ATP13A1: variants seen among roughly 807,000 people sequenced by gnomAD.
ATP13A1 encodes ATPase 13A1.
In ATP13A1, 55 loss-of-function variants were observed where a neutral mutation model predicts 134.8. That is an observed-to-expected ratio of 0.41 (90% CI 0.33 to 0.51). The LOEUF (loss-of-function observed/expected upper bound fraction) is 0.51, where lower values mean the gene tolerates loss of function less well. Ranked by LOEUF, ATP13A1 falls within the 20% of genes least tolerant of loss-of-function variation. The probability of loss-of-function intolerance (pLI) is 0.29; values close to 1 mark genes in which losing one functional copy is unlikely to be tolerated. For missense variants in ATP13A1, 1,389 were observed against 1,652.8 expected (o/e 0.84, Z 2.77); for synonymous variants, 775 against 725.1 (o/e 1.07, Z -1.10).
In ATP13A1 at chr19:19,655,901, G is replaced by T. The variant is rs1057154134; in HGVS notation, c.1246C>A (p.Arg416=). ...ACCTGGGATGTGTTGAATCCGGTCC[G>T]CAGGACGTAGGCCACGCACCCGCTG... is the stretch of plus-strand genomic sequence containing the variant. ...VDSGCVAYVL[R]TGFNTSQGKL... is the part of the protein sequence containing the mutation. The change falls in exon 9 of 26, where the codon CGG becomes AGG. Residue 416 remains arginine, a synonymous_variant. Transcript: ENST00000357324. This position sits in a 1 kb window ranked among gnomAD's most constrained non-coding sequence, Gnocchi z 5.7. 2.5e-6 allele frequency: 4 copies of T among 1,595,616 alleles called. No individual in the cohort carries two copies. The highest frequency in any genetic ancestry group is 2.3e-5 in the East Asian group (1 of 44,440).
At chr19:19,646,926 G>A (rs974344195) in intron 22 of ATP13A1, 1 of 605,208 alleles carries the variant, frequency 1.7e-6, no homozygotes, top group Non-Finnish European at 2.9e-6. Flanking sequence ...GGACAGGTGT[G>A]GACGCCAAGC....
chr19:19,662,750 T>C (rs984456289), intron 1 of ATP13A1, among the ~76,000 whole-genome samples: 2 of 152,220 alleles, frequency 1.3e-5, no homozygotes, highest in Non-Finnish European at 2.9e-5. Context: ...CTGCATTTCA[T>C]GCTCCTTTCC....
chr19:19,648,029 C>G (rs1314151035), intron 19 of ATP13A1, among the ~76,000 whole-genome samples: 2 of 152,146 alleles, frequency 1.3e-5, no homozygotes, highest in East Asian at 1.9e-4. Flanking sequence ...CAAAACTAAA[C>G]TGATTTTGGC....
rs1466857826 is a variant in ATP13A1 at position 19,658,915 on chromosome 19, C to G, written c.677+686G>C. On this transcript the variant is annotated intron_variant, in intron 3 of 25. Transcript: ENST00000357324. Reference sequence around the variant, plus strand: ...GCCAGGAGTTTGAGACAAGCCTGGGCAACACGGCGAGACCCCATCTCTACA... The same window carrying G: ...GCCAGGAGTTTGAGACAAGCCTGGGGAACACGGCGAGACCCCATCTCTACA... Among the ~76,000 whole-genome samples, 3 of 119,430 alleles carry G rather than the reference C, an allele frequency of 2.5e-5. No homozygotes were observed. In the South Asian group the frequency reaches 7.8e-4, roughly 31 times the overall value. 78.4% of individuals were successfully genotyped at this position (119,430 alleles called of 152,430 possible).
At chr19:19,654,369 C>T (rs907345520) in intron 13 of ATP13A1, among the ~76,000 whole-genome samples, 174 bp downstream of exon 13, 1 of 152,162 alleles carries the variant, frequency 6.6e-6, no homozygotes, top group Non-Finnish European at 1.5e-5. Context: ...AGAGGGACAC[C>T]CAAGGACGTG....
chr19:19,651,034 C>G (rs1298115718), intron 17 of ATP13A1: 1 of 152,248 alleles, frequency 6.6e-6, no homozygotes, highest in Non-Finnish European at 1.5e-5. Flanking sequence ...ATCAGGCTGT[C>G]TGGATTCCAA....
At position 19,655,665 on chromosome 19, in the gene ATP13A1, G is replaced by A. The variant is rs1452492061; in HGVS notation, c.1270-11C>T. ...GCGCAGCAGCTTGCCCTGGAGGAATGGAGGAACAGCCTTTCTGCTGTCTGG... is the reference window on the plus strand; with the variant it reads ...GCGCAGCAGCTTGCCCTGGAGGAATAGAGGAACAGCCTTTCTGCTGTCTGG... On this transcript the variant is annotated splice_polypyrimidine_tract_variant and intron_variant, in intron 9 of 25. Transcript: ENST00000357324. The surrounding 1 kb of genome is among the most constrained non-coding windows in gnomAD (Gnocchi z 5.7). The A allele has an allele frequency of 1.2e-6, 2 of 1,611,062 alleles. No individual in the cohort carries two copies. The highest frequency in any genetic ancestry group is 8.5e-7 in the Non-Finnish European group (1 of 1,178,752).
At chr19:19,650,289 C>T (rs1294566409) in intron 17 of ATP13A1, 1 of 326,934 alleles carries the variant, frequency 3.1e-6, no homozygotes, top group Non-Finnish European at 5.7e-6. Flanking sequence ...CTTGGGAAAC[C>T]CCACACCAGG....
chr19:19,645,216 C>T lies in ATP13A1; in HGVS notation c.*206G>A. ...GCAGGGCTTTTTAAAATCTCAGATGCTGCTTTATTTACCAAAGGTGCTGGC... is the reference window on the plus strand; with the variant it reads ...GCAGGGCTTTTTAAAATCTCAGATGTTGCTTTATTTACCAAAGGTGCTGGC... On this transcript the variant is annotated 3_prime_UTR_variant, in exon 26 of 26. Coordinates refer to ENST00000357324, the MANE Select transcript of ATP13A1 (RefSeq NM_020410.3). The surrounding 1 kb of genome is among the most constrained non-coding windows in gnomAD (Gnocchi z 4.1). The T allele has an allele frequency of 6.6e-6, 4 of 605,500 alleles. No individual in the cohort carries two copies. Among genetic ancestry groups the T allele is most frequent in the Non-Finnish European group, 1.2e-5 (4 of 340,396 alleles). The allele number at this position is 605,500 out of a possible 1,614,324, so 37.5% of individuals were successfully genotyped here.
chr19:19,655,792 G>T lies in ATP13A1; in HGVS notation c.1269+86C>A. On this transcript the variant is annotated intron_variant, in intron 9 of 25. Coordinates refer to ENST00000357324, the MANE Select transcript of ATP13A1 (RefSeq NM_020410.3). The surrounding 1 kb of genome is among the most constrained non-coding windows in gnomAD (Gnocchi z 5.7). ...GCCGTGCTGCCAGAGTCAGCCCGTGGGGCAGATGTTCTGGGGTCGGAAAGG... is the reference window on the plus strand; with the variant it reads ...GCCGTGCTGCCAGAGTCAGCCCGTGTGGCAGATGTTCTGGGGTCGGAAAGG... 2.0e-6 allele frequency: 3 copies of T among 1,535,614 alleles called. No homozygotes were observed. Among genetic ancestry groups the T allele is most frequent in the South Asian group, 2.4e-5 (2 of 84,290 alleles).
rs770801754 is a variant in ATP13A1 at position 19,659,956 on chromosome 19, T to C, written c.428A>G (p.Lys143Arg). ...EYDPSKATFVKVVPTPNNGST... is the reference protein window; with the variant it reads ...EYDPSKATFVRVVPTPNNGST... ...GCCATTGTTGGGGGTTGGCACCACC[T>C]TCACAAAGGTCGCTTTGCTGGGGTC... Residue 143 changes from lysine (K) to arginine (R), a missense_variant, in exon 2 of 26, where the codon AAG (lysine) becomes AGG (arginine). By Grantham distance (26) the Lys-to-Arg change is conservative (BLOSUM62 2). This residue lies in a region of ATP13A1 where 293 missense variants were observed against 270.8 expected (regional missense o/e 1.08). Transcript: ENST00000357324. The C allele has an allele frequency of 3.8e-6, 6 of 1,582,302 alleles. No homozygotes were observed. The South Asian group carries it at 5.8e-5, about 15-fold the overall frequency.
In ATP13A1 at chr19:19,652,634, G is replaced by A. The variant is rs2062032127; in HGVS notation, c.2187C>T (p.Ser729=). 5.6e-6 allele frequency: 9 copies of A among 1,608,834 alleles called. No individual in the cohort carries two copies. Among genetic ancestry groups the A allele is most frequent in the African/African-American group, 1.3e-5 (1 of 74,862 alleles). The change falls in exon 16 of 26, where the codon TCC becomes TCT. Residue 729 remains serine, a synonymous_variant. Coordinates refer to ENST00000357324, the MANE Select transcript of ATP13A1 (RefSeq NM_020410.3). The part of the protein sequence containing the change: ...IVVSCPLKAD[S]KAVIREIQNA... ...TCTGGATCTCCCGGATCACGGCCTT[G>A]GAGTCAGCCTTGAGCGGGCAGGAGA...
chr19:19,660,121 T>A (rs76160850), intron 1 of ATP13A1, 134 bp from the exon 2 acceptor site: 20,601 of 721,972 alleles, frequency 0.029, 413 homozygotes, highest in South Asian at 0.043. Flanking sequence ...GCTGCCTCTG[T>A]CACTCCCTCG....
Position 19,652,712 on chromosome 19 carries a change from C to T in ATP13A1, c.2109G>A (p.Glu703=). Residue 703 remains glutamate (E), a synonymous_variant, in exon 16 of 26, where the codon GAG becomes GAA. Coordinates refer to ENST00000357324, the MANE Select transcript of ATP13A1 (RefSeq NM_020410.3). ...TGCACTCCAGGGCCTCCCGCTTGACCTCCCGGGCCTGCGGACAGACAGGGG... is the reference window on the plus strand; with the variant it reads ...TGCACTCCAGGGCCTCCCGCTTGACTTCCCGGGCCTGCGGACAGACAGGGG... ...LGHLTHQQAR[E]VKREALECSL... The T allele has an allele frequency of 6.2e-6, 10 of 1,604,888 alleles. No individual in the cohort carries two copies. Among genetic ancestry groups the T allele is most frequent in the Non-Finnish European group, 8.5e-6 (10 of 1,177,206 alleles).
At position 19,655,936 on chromosome 19, in the gene ATP13A1, G is replaced by A; in HGVS notation, c.1214-3C>T. On this transcript the variant is annotated splice_region_variant and splice_polypyrimidine_tract_variant and intron_variant, in intron 8 of 25. Coordinates refer to ENST00000357324, the MANE Select transcript of ATP13A1 (RefSeq NM_020410.3). This position sits in a 1 kb window ranked among gnomAD's most constrained non-coding sequence, Gnocchi z 5.7. ...GGCCACGCACCCGCTGTCAACCGCT[G>A]GGGAGAGAAGCAGAGTCACCGTCAT... The A allele has an allele frequency of 6.2e-7, 1 of 1,603,284 alleles. No individual in the cohort carries two copies. The highest frequency in any genetic ancestry group is 8.5e-7 in the Non-Finnish European group (1 of 1,178,274).
At position 19,649,750 on chromosome 19, in the gene ATP13A1, G is replaced by C; in HGVS notation, c.2526C>G (p.Pro842=). The C allele has an allele frequency of 6.2e-7, 1 of 1,602,310 alleles. No individual in the cohort carries two copies. Among genetic ancestry groups the C allele is most frequent in the Non-Finnish European group, 8.5e-7 (1 of 1,173,030 alleles). ...AGGGCTGTGCACATACCTTCTGCTT[G>C]GGAGCCACACGGGCGAACACCTGCA... The part of the protein sequence containing the change: ...PHVQVFARVA[P]KQKEFVITSL... The change falls in exon 18 of 26, where the codon CCC becomes CCG. Residue 842 remains proline (P), a synonymous_variant. Coordinates refer to ENST00000357324, the MANE Select transcript of ATP13A1 (RefSeq NM_020410.3).
At chr19:19,663,194 C>G in intron 1 of ATP13A1, 77 bp downstream of exon 1, 2 of 1,545,950 alleles carry the variant, frequency 1.3e-6, no homozygotes, top group Non-Finnish European at 1.7e-6. Context: ...GCGATGGTGA[C>G]CGACAGGAAG....
Position 19,647,399 on chromosome 19 carries a change from G to C in ATP13A1, c.2908+15C>G, listed in dbSNP as rs756796696. The C allele has an allele frequency of 3.1e-6, 5 of 1,609,960 alleles. No homozygotes were observed. The highest frequency in any genetic ancestry group is 2.2e-5 in the East Asian group (1 of 44,818). The stretch of plus-strand genomic sequence containing the variant: ...GGGGGAATGAAGGGAGGGGGAGCGG[G>C]GGCAGGCAACTCACTGCACTGGATG... On this transcript the variant is annotated intron_variant, in intron 21 of 25. Transcript: ENST00000357324. This position sits in a 1 kb window ranked among gnomAD's most constrained non-coding sequence, Gnocchi z 4.8.
Position 19,657,125 on chromosome 19 carries a change from G to T in ATP13A1, c.775C>A (p.Leu259Met). 6.6e-7 allele frequency: 1 copy of T among 1,514,378 alleles called. No homozygotes were observed. Among genetic ancestry groups the T allele is most frequent in the East Asian group, 2.3e-5 (1 of 43,108 alleles). The allele number at this position is 1,514,378 out of a possible 1,614,324, so 93.8% of individuals were successfully genotyped here. A position where few individuals can be genotyped will look rare whatever the true frequency, so the allele number is the denominator to read the frequency against. The change falls in exon 5 of 26, where the codon CTG becomes ATG. Residue 259 changes from leucine (L) to methionine (M), a missense_variant. Physicochemically the swap from Leu to Met is conservative, Grantham distance 15. This residue lies in a region of ATP13A1 where 747 missense variants were observed against 956.1 expected (regional missense o/e 0.78). Coordinates refer to ENST00000357324, the MANE Select transcript of ATP13A1 (RefSeq NM_020410.3). ...ACGCTGTAGTACCAGTACTCATCCA[G>T]GCACCAGAGCCCCACACAGAACACC... ...FQVFCVGLWCLDEYWYYSVFT... is the reference protein window; with the variant it reads ...FQVFCVGLWCMDEYWYYSVFT...
Sources: gnomAD v4.1 joint callset for allele counts (sites outside exome capture counted in the v4.1 genomes callset) on GRCh38, gnomAD v4.1.1 for gene constraint, gnomAD v4.1.1 regional missense constraint, Gnocchi (gnomAD v3.1) non-coding constraint, MANE v1.5 for transcripts, NCBI Gene and HGNC (gene_info 2026-07-23, HGNC 2026-07-21) for gene names.